Variants in CACNB4 observed in about 807,000 individuals in gnomAD.
The protein encoded by CACNB4 is voltage-dependent L-type calcium channel subunit beta-4.
Under a neutral mutation model 71.2 loss-of-function variants are expected in CACNB4, and 32 were observed. That is an observed-to-expected ratio of 0.45 (90% CI 0.34 to 0.60). The LOEUF (loss-of-function observed/expected upper bound fraction) is 0.60, where lower values mean the gene tolerates loss of function less well. Ranked by LOEUF, CACNB4 falls within the 20% of genes least tolerant of loss-of-function variation. The pLI, the probability that CACNB4 is intolerant of heterozygous loss-of-function variation, is 0.01. For synonymous variants in CACNB4, 231 were observed against 236.9 expected, an observed-to-expected ratio of 0.97 and a Z score of 0.23; for missense variants, 464 against 647.9, an observed-to-expected ratio of 0.72 and a Z score of 3.08.
In CACNB4 at chr2:152,098,479, C is replaced by T. The variant is rs1688405773; in HGVS notation, c.64-66G>A. The T allele has an allele frequency of 6.8e-7, 1 of 1,473,450 alleles. No individual in the cohort carries two copies. The highest frequency in any genetic ancestry group is 1.7e-5 in the Admixed American group (1 of 59,710). 91.3% of individuals were successfully genotyped at this position (1,473,450 alleles called of 1,614,324 possible). On this transcript the variant is annotated intron_variant, in intron 1 of 13. Transcript: ENST00000539935. This position sits in a 1 kb window ranked among gnomAD's most constrained non-coding sequence, Gnocchi z 5.3. ...ACCGCAGCGCAGAGCGGGGCGACCA[C>T]CCCCGGCTGGAGTCCGCCTCCGGAC...
rs60040188 is a variant in CACNB4, at chr2:151,878,550, TAC to T, written c.391-1996_391-1995del. 1.1e-3 allele frequency among the ~76,000 whole-genome samples: 147 copies of T among 129,954 alleles called. 1 individual carries two copies. The highest frequency in any genetic ancestry group is 3.3e-3 in the African/African-American group (114 of 34,792). 85.3% of individuals were successfully genotyped at this position (129,954 alleles called of 152,430 possible). A position where few individuals can be genotyped will look rare whatever the true frequency, so the allele number is the denominator to read the frequency against. On this transcript the variant is annotated intron_variant, in intron 4 of 13. Coordinates refer to ENST00000539935, the MANE Select transcript of CACNB4 (RefSeq NM_000726.5). The stretch of plus-strand genomic sequence containing the variant: ...CAGGGTAACATAGCAAGACCCTGTC[TAC>T]ACACACACACACACACACACACACA...
chr2:152,068,916 C>T (rs1382045463), intron 2 of CACNB4, among the ~76,000 whole-genome samples: 2 of 152,170 alleles, frequency 1.3e-5, no homozygotes, highest in Non-Finnish European at 2.9e-5. Context: ...AGGCCCTACC[C>T]CTCTAGCCAC....
intron 2 of CACNB4, among the ~76,000 whole-genome samples, chr2:151,916,416 C>T (rs1223632294): frequency 1.3e-5 from 2 of 151,872 alleles, no homozygotes; most frequent in African/African-American, 2.4e-5. Flanking sequence ...TTTACATAAA[C>T]ACTTGGAAGA....
At chr2:152,060,221 A>C (rs1460160391) in intron 2 of CACNB4, among the ~76,000 whole-genome samples, 2 of 152,218 alleles carry the variant, frequency 1.3e-5, no homozygotes, top group African/African-American at 4.8e-5. Context: ...AAATGACTTG[A>C]GTTTTATTCA....
intron 2 of CACNB4, chr2:151,972,873 T>C (rs1014838100): frequency 6.6e-6 from 1 of 152,108 alleles, no homozygotes; most frequent in Non-Finnish European, 1.5e-5. Context: ...CCTTGCGAGG[T>C]TTCTGTGTAT....
At chr2:151,973,955 T>C (rs537798180) in intron 2 of CACNB4, 4 of 1,250,502 alleles carry the variant, frequency 3.2e-6, no homozygotes, top group East Asian at 3.3e-5. Context: ...AGCAAAACCC[T>C]TCCTCAACCA....
Position 151,905,298 on chromosome 2 carries a change from T to C in CACNB4, c.148-21928A>G, listed in dbSNP as rs80190339. Among the ~76,000 whole-genome samples the C allele has an allele frequency of 4.8e-3, 737 of 152,336 alleles. 8 individuals are homozygous for C. Among genetic ancestry groups the C allele is most frequent in the African/African-American group, 0.016 (686 of 41,578 alleles). The stretch of plus-strand genomic sequence containing the variant: ...CATTGCCATTTCATTTACTAACATA[T>C]TGTATTATCAATTTACAGTTTCTCA... On this transcript the variant is annotated intron_variant, in intron 2 of 13. Transcript: ENST00000539935.
At chr2:152,026,802 C>T (rs887368828) in intron 2 of CACNB4, among the ~76,000 whole-genome samples, 9 of 152,180 alleles carry the variant, frequency 5.9e-5, no homozygotes, top group Non-Finnish European at 1.0e-4. Flanking sequence ...TACTCCAGAC[C>T]AAAACTGGTC....
At chr2:152,005,611 C>A (rs1441982931) in intron 2 of CACNB4, among the ~76,000 whole-genome samples, 1 of 152,166 alleles carries the variant, frequency 6.6e-6, no homozygotes, top group Non-Finnish European at 1.5e-5. Flanking sequence ...AACCTCAGCA[C>A]CACACAACCT....
At chr2:152,079,384 G>A (rs1259384877) in intron 2 of CACNB4, among the ~76,000 whole-genome samples, 4 of 151,322 alleles carry the variant, frequency 2.6e-5, no homozygotes, top group South Asian at 2.1e-4. Flanking sequence ...CACCACGCCC[G>A]GCCGTGTTGT....
chr2:151,884,495 G>C (rs1195888371), intron 2 of CACNB4, among the ~76,000 whole-genome samples: 1 of 148,710 alleles, frequency 6.7e-6, no homozygotes, highest in East Asian at 2.0e-4. Flanking sequence ...TTAGCCAGGC[G>C]TGGTGGCGGG....
chr2:151,842,211 G>T, intron 12 of CACNB4, 123 bp from the exon 13 acceptor site: 1 of 720,320 alleles, frequency 1.4e-6, no homozygotes, highest in Non-Finnish European at 2.3e-6. Context: ...AATTTGAGGT[G>T]CTATATGGGC....
chr2:151,861,959 A>C (rs2099841850), intron 9 of CACNB4, among the ~76,000 whole-genome samples: 1 of 152,164 alleles, frequency 6.6e-6, no homozygotes, highest in Admixed American at 6.5e-5. Context: ...TTTAAAGACT[A>C]TTTTAAACTG....
At chr2:152,053,195 C>T (rs1162126731) in intron 2 of CACNB4, among the ~76,000 whole-genome samples, 1 of 152,068 alleles carries the variant, frequency 6.6e-6, no homozygotes, top group Non-Finnish European at 1.5e-5. Flanking sequence ...CAGGAAAGAC[C>T]AGGACATGTC....
chr2:152,087,760 TC>T (rs938279111), intron 2 of CACNB4, among the ~76,000 whole-genome samples: 1 of 152,056 alleles, frequency 6.6e-6, no homozygotes, highest in African/African-American at 2.4e-5. Flanking sequence ...ACGCCTGCAG[TC>T]CCAGCTACTT....
At chr2:151,927,239 T>C (rs768781703) in intron 2 of CACNB4, among the ~76,000 whole-genome samples, 1 of 152,136 alleles carries the variant, frequency 6.6e-6, no homozygotes, top group Non-Finnish European at 1.5e-5. Context: ...ATAAGAATGA[T>C]TCAGTAGAGA....
chr2:151,860,878 G>A (rs550464869), intron 9 of CACNB4, 58 bp from the exon 10 acceptor site: 7 of 1,112,394 alleles, frequency 6.3e-6, no homozygotes, highest in Admixed American at 3.4e-5. Context: ...GGCTCTCCAA[G>A]TGATTTATAA....
intron 2 of CACNB4, among the ~76,000 whole-genome samples, chr2:151,975,022 C>G (rs1394481103): frequency 6.6e-6 from 1 of 152,180 alleles, no homozygotes; most frequent in Non-Finnish European, 1.5e-5. Context: ...ACTAATTGGT[C>G]AGATGACTCT....
intron 2 of CACNB4, among the ~76,000 whole-genome samples, chr2:151,989,902 C>A (rs960967143): frequency 2.0e-5 from 3 of 152,168 alleles, no homozygotes; most frequent in African/African-American, 7.2e-5. Flanking sequence ...TTCCCTTCCC[C>A]CTCTCCACTG....
Sources: gnomAD v4.1 joint callset for allele counts (sites outside exome capture counted in the v4.1 genomes callset) on GRCh38, gnomAD v4.1.1 for gene constraint, Gnocchi (gnomAD v3.1) non-coding constraint, MANE v1.5 for transcripts, NCBI Gene and HGNC (gene_info 2026-07-23, HGNC 2026-07-21) for gene names.